The following SCHIP1 variants were observed in gnomAD, a reference collection of about 807,000 sequenced individuals.
SCHIP1 encodes schwannomin-interacting protein 1.
In SCHIP1, 8 loss-of-function variants were observed where a neutral mutation model predicts 29.7. That is an observed-to-expected ratio of 0.27 (90% CI 0.16 to 0.49). The LOEUF (loss-of-function observed/expected upper bound fraction) is 0.49, where lower values mean the gene tolerates loss of function less well. Ranked by LOEUF, SCHIP1 falls within the 20% of genes least tolerant of loss-of-function variation. The pLI, the probability that SCHIP1 is intolerant of heterozygous loss-of-function variation, is 0.99. For synonymous variants in SCHIP1, 76 were observed against 94.9 expected (o/e 0.80, Z 1.16); for missense variants, 193 against 294.6 (o/e 0.66, Z 2.52).
At chr3:159,664,575 T>C in the SCHIP1 span, among the ~76,000 whole-genome samples, 8 of 152,366 alleles carry the variant, frequency 5.3e-5, no homozygotes, top group African/African-American at 1.9e-4. Flanking sequence ...TTTATGTTAC[T>C]GCAAGAACTC....
chr3:159,675,922 G>A, the SCHIP1 span, among the ~76,000 whole-genome samples: 158 of 151,676 alleles, frequency 1.0e-3, no homozygotes, highest in Non-Finnish European at 1.7e-3. Flanking sequence ...ACCTGAGGTC[G>A]GGAGTTCAAG....
chr3:159,746,083 C>T, the SCHIP1 span, among the ~76,000 whole-genome samples: 1 of 152,142 alleles, frequency 6.6e-6, no homozygotes, highest in Non-Finnish European at 1.5e-5. Context: ...ACATGGGGTT[C>T]ATTGTACTAT....
At chr3:159,339,949 G>A in the SCHIP1 span, among the ~76,000 whole-genome samples, 347 of 152,120 alleles carry the variant, frequency 2.3e-3, 1 homozygote, top group Admixed American at 4.9e-3. Context: ...TTTGAGAAAG[G>A]TAGTAATTCT....
chr3:159,519,861 GAA>G, the SCHIP1 span, among the ~76,000 whole-genome samples: 4 of 146,368 alleles, frequency 2.7e-5, no homozygotes, highest in Non-Finnish European at 3.0e-5. Context: ...CAGTCATGAA[GAA>G]AAAAAAAATA....
At chr3:159,380,094 A>G in the SCHIP1 span, among the ~76,000 whole-genome samples, 17 of 152,336 alleles carry the variant, frequency 1.1e-4, no homozygotes, top group Non-Finnish European at 1.6e-4. Flanking sequence ...TTTAAAAACT[A>G]TATCTAGTTT....
At chr3:159,409,794 T>C in the SCHIP1 span, among the ~76,000 whole-genome samples, 1 of 151,494 alleles carries the variant, frequency 6.6e-6, no homozygotes, top group Non-Finnish European at 1.5e-5. Flanking sequence ...TCTTAAAATT[T>C]ATAAAAAGAC....
the SCHIP1 span, among the ~76,000 whole-genome samples, chr3:159,408,214 C>T: frequency 1.3e-5 from 2 of 151,932 alleles, no homozygotes; most frequent in African/African-American, 4.8e-5. Flanking sequence ...AGAAGAATGG[C>T]GTGAACCCAG....
At chr3:159,686,829 A>G in the SCHIP1 span, among the ~76,000 whole-genome samples, 1 of 151,984 alleles carries the variant, frequency 6.6e-6, no homozygotes. Flanking sequence ...TGGGTAAATG[A>G]TAACTTAGTA....
the SCHIP1 span, among the ~76,000 whole-genome samples, chr3:159,703,801 G>T: frequency 1.1e-4 from 16 of 152,260 alleles, no homozygotes; most frequent in African/African-American, 3.6e-4. Context: ...ATTCTGGTTG[G>T]TCTACAGGTT....
At chr3:159,342,899 G>A in the SCHIP1 span, among the ~76,000 whole-genome samples, 1 of 152,020 alleles carries the variant, frequency 6.6e-6, no homozygotes, top group Admixed American at 6.6e-5. Flanking sequence ...AATTAGTTAT[G>A]TAACCATAAT....
At chr3:159,286,544 GTGTCTT>G in the SCHIP1 span, among the ~76,000 whole-genome samples, 1 of 152,168 alleles carries the variant, frequency 6.6e-6, no homozygotes, top group African/African-American at 2.4e-5. Context: ...ACATGAGCAT[GTGTCTT>G]TATGGCAGAA....
Position 159,861,514 on chromosome 3 carries a change from A to G in SCHIP1, c.31-4649A>G, listed in dbSNP as rs1322538572. On this transcript the variant is annotated intron_variant, in intron 1 of 6. Coordinates refer to ENST00000445224, the Ensembl canonical transcript of SCHIP1. The surrounding 1 kb of genome is among the most constrained non-coding windows in gnomAD (Gnocchi z 4.1). ...CTGTTCTAAGATCATGGTGGCTTGC[A>G]TGGCATCATTGAAAGTCATTGTGAG... Among the ~76,000 whole-genome samples the G allele has an allele frequency of 6.6e-6, 1 of 152,204 alleles. No homozygotes were observed. Among genetic ancestry groups the G allele is most frequent in the African/African-American group, 2.4e-5 (1 of 41,444 alleles).
chr3:159,558,721 T>C, the SCHIP1 span, among the ~76,000 whole-genome samples: 1 of 152,180 alleles, frequency 6.6e-6, no homozygotes, highest in East Asian at 1.9e-4. Flanking sequence ...CCAAGCTCCT[T>C]GACTCCACAA....
the SCHIP1 span, among the ~76,000 whole-genome samples, chr3:159,288,306 C>T: frequency 2.6e-5 from 4 of 152,146 alleles, no homozygotes; most frequent in Non-Finnish European, 5.9e-5. Context: ...TAATTTAAAA[C>T]GATGCCTAGC....
the SCHIP1 span, among the ~76,000 whole-genome samples, chr3:159,590,092 C>A: frequency 5.5e-3 from 840 of 152,090 alleles, 12 homozygotes; most frequent in African/African-American, 0.019. Flanking sequence ...GGAGGAGGGG[C>A]CCCATGCTTT....
the SCHIP1 span, among the ~76,000 whole-genome samples, chr3:159,494,402 T>C: frequency 2.0e-5 from 3 of 151,792 alleles, no homozygotes; most frequent in Admixed American, 2.0e-4. Flanking sequence ...ACAGACGCAA[T>C]AAAAAATGAC....
At chr3:159,600,655 T>A in the SCHIP1 span, among the ~76,000 whole-genome samples, 1 of 152,224 alleles carries the variant, frequency 6.6e-6, no homozygotes, top group Non-Finnish European at 1.5e-5. Context: ...TATTCTGAAT[T>A]CTTTATTGGG....
intron 1 of SCHIP1, among the ~76,000 whole-genome samples, chr3:159,843,150 T>G (rs1464013054): frequency 6.6e-6 from 1 of 151,268 alleles, no homozygotes; most frequent in Non-Finnish European, 1.5e-5. Flanking sequence ...GTAGCTGGGA[T>G]TACAGGCGCC....
At chr3:159,329,336 A>G in the SCHIP1 span, among the ~76,000 whole-genome samples, 1 of 152,204 alleles carries the variant, frequency 6.6e-6, no homozygotes, top group Non-Finnish European at 1.5e-5. Flanking sequence ...TTCATTTTCA[A>G]TGAAAGAATG....
Sources: gnomAD v4.1 joint callset for allele counts (sites outside exome capture counted in the v4.1 genomes callset) on GRCh38, gnomAD v4.1.1 for gene constraint, Gnocchi (gnomAD v3.1) non-coding constraint, MANE v1.5 for transcripts, NCBI Gene and HGNC (gene_info 2026-07-23, HGNC 2026-07-21) for gene names.